Variants in PHF2 observed in about 807,000 individuals in gnomAD.
PHF2 encodes the protein lysine-specific demethylase PHF2.
A neutral mutation model predicts 120.5 loss-of-function variants in PHF2; 27 were observed. The ratio of observed to expected loss-of-function variants is 0.22; its 90% CI spans 0.17 to 0.31. The LOEUF is 0.31. PHF2 is among the 10% of genes least tolerant of loss of function. The pLI is 1.00. For synonymous variants in PHF2, 568 were observed against 592.5 expected (o/e 0.96, Z 0.60); for missense variants, 1,024 against 1,434.8 (o/e 0.71, Z 4.63).
chr9:93,649,075 G>T lies in PHF2; in HGVS notation c.465G>T (p.Pro155=). ...CTCCTCCCACCACCTCCCTAGGGCC[G>T]GAACGGAGTGTGGATGTGACAGATG... ...YVSDVENYVG[P]ERSVDVTDVT... is the part of the protein sequence containing the mutation. Residue 155 remains proline, a synonymous_variant, in exon 5 of 22, where the codon CCG becomes CCT. Transcript: ENST00000359246. 1 of 1,551,154 alleles carries T rather than the reference G, an allele frequency of 6.4e-7. No individual in the cohort carries two copies.
chr9:93,587,138 G>A (rs1048714641), intron 1 of PHF2, among the ~76,000 whole-genome samples: 4 of 152,244 alleles, frequency 2.6e-5, no homozygotes, highest in African/African-American at 9.6e-5. Context: ...ATGGAGAGAG[G>A]CCAGAGACTA....
chr9:93,673,575 G>A lies in PHF2; in HGVS notation c.2349-10G>A, dbSNP rs1171364021. ...CACTGGGCTGAGTGCCTGTCTCTCT[G>A]TGCCCCTAGCCAGCCCCCGGCCTCC... is the stretch of plus-strand genomic sequence containing the variant. On this transcript the variant is annotated splice_polypyrimidine_tract_variant and intron_variant, in intron 17 of 21. Coordinates refer to ENST00000359246, the MANE Select transcript of PHF2 (RefSeq NM_005392.4). The A allele has an allele frequency of 5.8e-6, 9 of 1,547,680 alleles. No homozygotes were observed. The highest frequency in any genetic ancestry group is 7.9e-6 in the Non-Finnish European group (9 of 1,143,414).
chr9:93,645,194 T>C (rs1410964766), intron 3 of PHF2, among the ~76,000 whole-genome samples: 2 of 152,202 alleles, frequency 1.3e-5, no homozygotes, highest in Admixed American at 6.5e-5. Context: ...TGTGATTCGG[T>C]GGCCCTGCCA....
chr9:93,616,741 C>T (rs1468334348), intron 1 of PHF2, among the ~76,000 whole-genome samples: 3 of 152,090 alleles, frequency 2.0e-5, no homozygotes, highest in Admixed American at 6.5e-5. Context: ...CCGCAACCTC[C>T]GCCTCCTGGG....
At chr9:93,622,613 G>A (rs1184544343) in intron 1 of PHF2, among the ~76,000 whole-genome samples, 1 of 152,146 alleles carries the variant, frequency 6.6e-6, no homozygotes, top group African/African-American at 2.4e-5. Context: ...TGGAGGAGGT[G>A]GGAACAAATT....
At chr9:93,643,938 TC>T (rs2117853882) in intron 3 of PHF2, among the ~76,000 whole-genome samples, 1 of 152,174 alleles carries the variant, frequency 6.6e-6, no homozygotes, top group Non-Finnish European at 1.5e-5. Flanking sequence ...GACTTACTGA[TC>T]TCCTGAACCC....
At chr9:93,579,743 G>A (rs949677911) in intron 1 of PHF2, among the ~76,000 whole-genome samples, 4 of 152,212 alleles carry the variant, frequency 2.6e-5, no homozygotes, top group Non-Finnish European at 4.4e-5. Flanking sequence ...AGCCAGCCCC[G>A]TTTTGGGGAG....
In PHF2 at chr9:93,584,443, G is replaced by A. The variant is rs1344643396; in HGVS notation, c.98+7572G>A. On this transcript the variant is annotated intron_variant, in intron 1 of 21. Transcript: ENST00000359246. ...TGTAATGATGGAAGGTAGGAGTCCA[G>A]CTTTATTCTTTTGAAGCTGGATATC... Among the ~76,000 whole-genome samples the A allele has an allele frequency of 4.6e-5, 7 of 152,312 alleles. 1 individual carries two copies. The highest frequency in any genetic ancestry group is 4.6e-4 in the Admixed American group (7 of 15,308).
intron 1 of PHF2, among the ~76,000 whole-genome samples, chr9:93,611,247 A>G (rs192727069): frequency 6.6e-6 from 1 of 152,102 alleles, no homozygotes; most frequent in African/African-American, 2.4e-5. Context: ...GAAACCCCAT[A>G]TCTACTAAAA....
At chr9:93,651,801 A>G (rs1038780300) in intron 5 of PHF2, among the ~76,000 whole-genome samples, 4 of 152,350 alleles carry the variant, frequency 2.6e-5, no homozygotes, top group African/African-American at 7.2e-5. Context: ...AGGCCAAGCA[A>G]GGGAAAGAAG....
intron 20 of PHF2, 148 bp downstream of exon 20, chr9:93,675,937 A>G (rs943126330): frequency 1.6e-6 from 1 of 620,552 alleles, no homozygotes; most frequent in Non-Finnish European, 2.9e-6. Context: ...ATTTGATTAG[A>G]GAGTGCCCTA....
chr9:93,661,449 G>A (rs1826563577), intron 12 of PHF2, among the ~76,000 whole-genome samples: 2 of 152,164 alleles, frequency 1.3e-5, no homozygotes, highest in East Asian at 1.9e-4. Context: ...ATGAATGGAT[G>A]AACAGACGGA....
At chr9:93,652,954 G>A (rs1406713238) in intron 5 of PHF2, among the ~76,000 whole-genome samples, 1 of 152,196 alleles carries the variant, frequency 6.6e-6, no homozygotes, top group African/African-American at 2.4e-5. Flanking sequence ...TTCTGGGGGT[G>A]GAGGCCAGCG....
intron 2 of PHF2, 147 bp from the exon 3 acceptor site, chr9:93,636,264 G>T (rs1826088512): frequency 1.6e-6 from 1 of 622,048 alleles, no homozygotes; most frequent in Non-Finnish European, 2.9e-6. Context: ...GCAGGGTGGG[G>T]GTGTCATCAG....
chr9:93,599,595 C>G (rs771585357), intron 1 of PHF2, among the ~76,000 whole-genome samples: 2 of 152,204 alleles, frequency 1.3e-5, no homozygotes, highest in Non-Finnish European at 2.9e-5. Context: ...GAACAAATGC[C>G]GGTGAAGCAG....
intron 1 of PHF2, among the ~76,000 whole-genome samples, chr9:93,600,363 G>A (rs118123021): frequency 6.6e-6 from 1 of 152,308 alleles, no homozygotes; most frequent in East Asian, 1.9e-4. Flanking sequence ...GGCACTCAGT[G>A]TCCAGAGCTG....
intron 2 of PHF2, among the ~76,000 whole-genome samples, chr9:93,633,312 G>A (rs1587694916): frequency 6.9e-6 from 1 of 143,940 alleles, no homozygotes; most frequent in Non-Finnish European, 1.5e-5. Flanking sequence ...GACTGACACA[G>A]ATTTGGTACA....
intron 12 of PHF2, among the ~76,000 whole-genome samples, chr9:93,661,602 G>T (rs764166365): frequency 6.6e-5 from 10 of 151,784 alleles, no homozygotes; most frequent in Non-Finnish European, 1.3e-4. Context: ...TGGATGGATG[G>T]GTGAATGGGT....
chr9:93,636,460 C>T lies in PHF2; in HGVS notation c.234C>T (p.Asp78=), dbSNP rs761888404. 9.9e-6 allele frequency: 16 copies of T among 1,610,216 alleles called. No homozygotes were observed. The highest frequency in any genetic ancestry group is 1.6e-4 in the Middle Eastern group (1 of 6,064). ...AACACGGCCCGGGGCAAGCGCCTGA[C>T]GTCAAGCCCGTGCAGAATGGCAGCC... ...WHKHGPGQAP[D]VKPVQNGSQL... is the part of the protein sequence containing the mutation. The change falls in exon 3 of 22, where the codon GAC becomes GAT. Residue 78 remains aspartate (D), a synonymous_variant. Transcript: ENST00000359246.
Sources: gnomAD v4.1 joint callset for allele counts (sites outside exome capture counted in the v4.1 genomes callset) on GRCh38, gnomAD v4.1.1 for gene constraint, MANE v1.5 for transcripts, NCBI Gene and HGNC (gene_info 2026-07-23, HGNC 2026-07-21) for gene names.